Variants in CACNG2 observed in about 807,000 individuals in gnomAD.
CACNG2 encodes calcium voltage-gated channel auxiliary subunit gamma 2.
Under a neutral mutation model 25.9 loss-of-function variants are expected in CACNG2, and 3 were observed. The ratio of observed to expected loss-of-function variants is 0.12; its 90% confidence interval spans 0.05 to 0.30. CACNG2 has a LOEUF of 0.30. Ranked by LOEUF, CACNG2 falls within the 10% of genes least tolerant of loss-of-function variation. CACNG2 has a pLI of 1.00. For synonymous variants in CACNG2, 167 were observed against 173.3 expected (o/e 0.96, Z 0.29); for missense variants, 341 against 432.5 (o/e 0.79, Z 1.88).
In CACNG2 at chr22:36,563,889, G is replaced by T. The variant is rs117043685; in HGVS notation, c.*462C>A. 6.9e-6 allele frequency: 1 copy of T among 145,792 alleles called. No homozygotes were observed. The highest frequency in any genetic ancestry group is 2.5e-5 in the African/African-American group (1 of 39,736). 9.0% of individuals were successfully genotyped at this position (145,792 alleles called of 1,614,324 possible). Reference sequence around the variant, plus strand: ...AACATAAACCCTGAAAAATACAAAGGACATCCCCTTTCCTTTCTGTTCTCA... The same window carrying T: ...AACATAAACCCTGAAAAATACAAAGTACATCCCCTTTCCTTTCTGTTCTCA... On this transcript the variant is annotated 3_prime_UTR_variant, in exon 4 of 4. Coordinates refer to ENST00000300105, the MANE Select transcript of CACNG2 (RefSeq NM_006078.5).
At chr22:36,691,021 TC>T (rs1407329530) in intron 1 of CACNG2, among the ~76,000 whole-genome samples, 4 of 152,060 alleles carry the variant, frequency 2.6e-5, no homozygotes, top group African/African-American at 9.7e-5. Context: ...CCTCAAGTGG[TC>T]CCCTAAACAC....
intron 2 of CACNG2, among the ~76,000 whole-genome samples, chr22:36,566,776 G>A (rs934224536): frequency 2.0e-5 from 3 of 152,076 alleles, no homozygotes; most frequent in Non-Finnish European, 4.4e-5. Context: ...CAGCTCCCAC[G>A]GCTCCCAGTC....
chr22:36,589,045 C>T (rs912591187), intron 1 of CACNG2, among the ~76,000 whole-genome samples: 8 of 145,596 alleles, frequency 5.5e-5, no homozygotes, highest in African/African-American at 2.0e-4. Flanking sequence ...GGCTTGAGTG[C>T]AGTGGTGTGA....
rs191588714 is a variant in CACNG2, at chr22:36,644,036, A to G, written c.212-56488T>C. On this transcript the variant is annotated intron_variant, in intron 1 of 3. Coordinates refer to ENST00000300105, the MANE Select transcript of CACNG2 (RefSeq NM_006078.5). ...ATGGGCAAACTGAAAAAGTACATCAATGGTCCCTCGGTGAAAGCTTAATTG... is the reference window on the plus strand; with the variant it reads ...ATGGGCAAACTGAAAAAGTACATCAGTGGTCCCTCGGTGAAAGCTTAATTG... 1.2e-4 allele frequency among the ~76,000 whole-genome samples: 18 copies of G among 152,284 alleles called. No homozygotes were observed. In the East Asian group the frequency reaches 1.9e-3, roughly 16 times the overall value.
At chr22:36,567,217 T>C (rs891988219) in intron 2 of CACNG2, among the ~76,000 whole-genome samples, 2 of 152,242 alleles carry the variant, frequency 1.3e-5, no homozygotes, top group Admixed American at 6.5e-5. Context: ...ATTCAGGCAA[T>C]GCACTTAGAT....
intron 1 of CACNG2, among the ~76,000 whole-genome samples, chr22:36,610,149 T>C (rs1224312553): frequency 7.3e-6 from 1 of 136,318 alleles, no homozygotes. Flanking sequence ...GGAATCAGTA[T>C]CCCAGAATGT....
chr22:36,635,393 G>A (rs1471757369), intron 1 of CACNG2, among the ~76,000 whole-genome samples: 1 of 152,070 alleles, frequency 6.6e-6, no homozygotes, highest in African/African-American at 2.4e-5. Flanking sequence ...TGCTAACCAT[G>A]TTAGTAATGT....
At chr22:36,635,679 G>A (rs751696043) in intron 1 of CACNG2, among the ~76,000 whole-genome samples, 12 of 152,022 alleles carry the variant, frequency 7.9e-5, no homozygotes, top group South Asian at 2.1e-4. Flanking sequence ...GGAGTTTCCC[G>A]TATCTCCAAC....
chr22:36,612,248 A>G (rs1239237104), intron 1 of CACNG2, among the ~76,000 whole-genome samples: 2 of 152,250 alleles, frequency 1.3e-5, no homozygotes, highest in South Asian at 2.1e-4. Flanking sequence ...GGAGAATACA[A>G]TGATAAGTAT....
chr22:36,592,972 C>A (rs1387420323), intron 1 of CACNG2, among the ~76,000 whole-genome samples: 1 of 152,186 alleles, frequency 6.6e-6, no homozygotes, highest in Non-Finnish European at 1.5e-5. Context: ...CAGTCAGGAC[C>A]AGTAGGGAGA....
At chr22:36,641,904 A>G (rs191746654) in intron 1 of CACNG2, among the ~76,000 whole-genome samples, 1 of 152,344 alleles carries the variant, frequency 6.6e-6, no homozygotes, top group African/African-American at 2.4e-5. Flanking sequence ...CTTAATCTTT[A>G]GCATTATCAG....
At chr22:36,673,801 T>C (rs1385158059) in intron 1 of CACNG2, among the ~76,000 whole-genome samples, 1 of 152,132 alleles carries the variant, frequency 6.6e-6, no homozygotes, top group Non-Finnish European at 1.5e-5. Flanking sequence ...CTTTACAGTT[T>C]ATGAAGCACT....
Position 36,703,736 on chromosome 22 carries a change from A to G in CACNG2, c.-1160T>C, listed in dbSNP as rs974927706. ...CTCCTGGGCTCCCGGAGCTTAGAGG[A>G]AGGCGTAGCTAGAGATAGCTCGCGC... On this transcript the variant is annotated 5_prime_UTR_variant, in exon 1 of 4. Coordinates refer to ENST00000300105, the MANE Select transcript of CACNG2 (RefSeq NM_006078.5). 8.0e-6 allele frequency among the ~76,000 whole-genome samples: 1 copy of G among 125,604 alleles called. No individual in the cohort carries two copies. Among genetic ancestry groups the G allele is most frequent in the African/African-American group, 3.1e-5 (1 of 32,322 alleles). The allele number at this position is 125,604 out of a possible 152,430, so 82.4% of individuals were successfully genotyped here. A position where few individuals can be genotyped will look rare whatever the true frequency, so the allele number is the denominator to read the frequency against.
intron 1 of CACNG2, among the ~76,000 whole-genome samples, chr22:36,699,035 C>T (rs565635444): frequency 7.2e-5 from 11 of 152,168 alleles, no homozygotes; most frequent in South Asian, 4.1e-4. Context: ...AAGCTGTTTT[C>T]GCATCTTGTT....
At chr22:36,615,157 G>C (rs1012906319) in intron 1 of CACNG2, among the ~76,000 whole-genome samples, 1 of 152,158 alleles carries the variant, frequency 6.6e-6, no homozygotes, top group African/African-American at 2.4e-5. Flanking sequence ...ATTGAATGAA[G>C]GTATTCGCAG....
chr22:36,657,259 G>A (rs181369767), intron 1 of CACNG2, among the ~76,000 whole-genome samples: 29 of 152,334 alleles, frequency 1.9e-4, no homozygotes, highest in Admixed American at 1.6e-3. Context: ...TCTGGGCATG[G>A]AAGGATAACT....
At chr22:36,616,979 G>T (rs1430209056) in intron 1 of CACNG2, among the ~76,000 whole-genome samples, 2 of 152,192 alleles carry the variant, frequency 1.3e-5, no homozygotes, top group Non-Finnish European at 2.9e-5. Context: ...AAGGGACACA[G>T]ACATTGACCA....
chr22:36,634,717 T>A (rs1936328827), intron 1 of CACNG2, among the ~76,000 whole-genome samples: 1 of 152,198 alleles, frequency 6.6e-6, no homozygotes, highest in Admixed American at 6.5e-5. Context: ...CACATAGATC[T>A]TGTGCCAGGT....
At chr22:36,660,153 A>T (rs1294271183) in intron 1 of CACNG2, among the ~76,000 whole-genome samples, 1 of 152,200 alleles carries the variant, frequency 6.6e-6, no homozygotes, top group African/African-American at 2.4e-5. Flanking sequence ...ATTGTCCCTC[A>T]CTAGGCCGTG....
Sources: gnomAD v4.1 joint callset for allele counts (sites outside exome capture counted in the v4.1 genomes callset) on GRCh38, gnomAD v4.1.1 for gene constraint, MANE v1.5 for transcripts, NCBI Gene and HGNC (gene_info 2026-07-23, HGNC 2026-07-21) for gene names.